ECT2L: variants seen among roughly 807,000 people sequenced by gnomAD.
The protein encoded by ECT2L is epithelial cell transforming 2 like.
In ECT2L, 126 loss-of-function variants were observed where a neutral mutation model predicts 122.8. The ratio of observed to expected loss-of-function variants is 1.03; its 90% CI spans 0.89 to 1.19. ECT2L has a LOEUF of 1.19. ECT2L is among the 50% of genes most tolerant of loss of function. The probability of loss-of-function intolerance (pLI) is 0.00; values close to 1 mark genes in which losing one functional copy is unlikely to be tolerated. For missense variants in ECT2L, 1,012 were observed against 1,064.1 expected, an observed-to-expected ratio of 0.95 and a Z score of 0.68; for synonymous variants, 385 against 381.8, an observed-to-expected ratio of 1.01 and a Z score of -0.10.
At chr6:138,895,067 T>C (rs977538544) in intron 20 of ECT2L, among the ~76,000 whole-genome samples, 1 of 152,056 alleles carries the variant, frequency 6.6e-6, no homozygotes, top group African/African-American at 2.4e-5. Context: ...TAGACCAGCC[T>C]AGGCAACATA....
chr6:138,882,402 G>A (rs1417297522), intron 15 of ECT2L, among the ~76,000 whole-genome samples: 1 of 152,190 alleles, frequency 6.6e-6, no homozygotes, highest in African/African-American at 2.4e-5. Context: ...TCTACAAACT[G>A]TAAGAACTTT....
At position 138,852,291 on chromosome 6, in the gene ECT2L, C is replaced by T. The variant is rs189950137; in HGVS notation, c.1070-1735C>T. Among the ~76,000 whole-genome samples the T allele has an allele frequency of 5.3e-5, 8 of 152,138 alleles. No individual in the cohort carries two copies. In the East Asian group the frequency reaches 1.4e-3, roughly 26 times the overall value. On this transcript the variant is annotated intron_variant, in intron 9 of 21. Transcript: ENST00000541398. ...AAAAACAAAAACAAACCAAAAACCC[C>T]CCAGCCCTCTGCCCCTCAAAACAAA...
At chr6:138,862,407 G>A (rs1777867040) in intron 10 of ECT2L, among the ~76,000 whole-genome samples, 1 of 152,030 alleles carries the variant, frequency 6.6e-6, no homozygotes, top group Admixed American at 6.6e-5. Context: ...TAAACAACCA[G>A]ATCTTGTGTG....
intron 9 of ECT2L, 35 bp from the exon 10 acceptor site, chr6:138,853,991 C>A (rs1421682948): frequency 6.2e-7 from 1 of 1,602,498 alleles, no homozygotes. Context: ...TATTATGTTA[C>A]AAGCTAATAT....
chr6:138,860,389 T>C lies in ECT2L; in HGVS notation c.1199-2238T>C, dbSNP rs78118604. Among the ~76,000 whole-genome samples the C allele has an allele frequency of 1.1e-4, 17 of 152,234 alleles. No homozygotes were observed. The South Asian group carries it at 2.7e-3, about 24-fold the overall frequency. ...CTAGTTGTTTCTTCACCATTCCTTA[T>C]AACTACTATCCTTTTTCCAGTGAAT... is the stretch of plus-strand genomic sequence containing the variant. On this transcript the variant is annotated intron_variant, in intron 10 of 21. Transcript: ENST00000541398.
In ECT2L at chr6:138,814,488, T is replaced by C; in HGVS notation, c.67-3T>C. On this transcript the variant is annotated splice_polypyrimidine_tract_variant and splice_region_variant and intron_variant, in intron 3 of 21. Transcript: ENST00000541398. ...ATGTCACTTCCTCCCCTCCCCCTTATAGCTCTTTCAGGAAAGAGTGGCTCT... is the reference window on the plus strand; with the variant it reads ...ATGTCACTTCCTCCCCTCCCCCTTACAGCTCTTTCAGGAAAGAGTGGCTCT... 6.3e-7 allele frequency: 1 copy of C among 1,585,620 alleles called. No individual in the cohort carries two copies.
chr6:138,875,026 G>T (rs777503673), intron 13 of ECT2L, among the ~76,000 whole-genome samples: 1 of 152,166 alleles, frequency 6.6e-6, no homozygotes. Context: ...GGTCGAGGCT[G>T]CAGTGAGCAA....
chr6:138,859,588 T>C (rs756200109), intron 10 of ECT2L, among the ~76,000 whole-genome samples: 41 of 152,140 alleles, frequency 2.7e-4, no homozygotes, highest in Non-Finnish European at 4.7e-4. Context: ...GGGTATGTGG[T>C]GGTATCTCAT....
chr6:138,834,397 G>A (rs1003717563), intron 4 of ECT2L, among the ~76,000 whole-genome samples: 12 of 151,824 alleles, frequency 7.9e-5, no homozygotes, highest in African/African-American at 2.9e-4. Context: ...ATACTCAAAC[G>A]TGTCCTTGTA....
intron 15 of ECT2L, 135 bp from the exon 16 acceptor site, chr6:138,882,589 T>A (rs1778678808): frequency 6.7e-6 from 7 of 1,046,380 alleles, no homozygotes; most frequent in South Asian, 5.1e-5. Context: ...TTCTCTGTGT[T>A]AGGAAGAAAT....
intron 20 of ECT2L, among the ~76,000 whole-genome samples, chr6:138,897,750 C>T (rs1008156262): frequency 1.3e-5 from 2 of 152,144 alleles, no homozygotes; most frequent in African/African-American, 4.8e-5. Flanking sequence ...CCTTGGATTA[C>T]GAAAGGCTCA....
chr6:138,822,673 C>A, intron 4 of ECT2L: 2 of 1,349,214 alleles, frequency 1.5e-6, no homozygotes, highest in Non-Finnish European at 2.0e-6. Flanking sequence ...ATAGGAACAG[C>A]TCCGGTCTAC....
chr6:138,901,106 T>C lies in ECT2L; in HGVS notation c.2573T>C (p.Ile858Thr). ...VALHRLLIEN[I>T]PDSKYVKNAF... Reference sequence around the variant, plus strand: ...CTTCATCGGTTACTCATAGAAAATATTCCAGATTCCAAGTGTATGTATTCT... The same window carrying C: ...CTTCATCGGTTACTCATAGAAAATACTCCAGATTCCAAGTGTATGTATTCT... The change falls in exon 21 of 22, where the codon ATT becomes ACT. Residue 858 changes from isoleucine to threonine, a missense_variant. Coordinates refer to ENST00000541398, the MANE Select transcript of ECT2L (RefSeq NM_001077706.3). 1.9e-6 allele frequency: 3 copies of C among 1,614,030 alleles called. No individual in the cohort carries two copies. Among genetic ancestry groups the C allele is most frequent in the Non-Finnish European group, 2.5e-6 (3 of 1,179,944 alleles).
intron 3 of ECT2L, among the ~76,000 whole-genome samples, chr6:138,814,168 C>T (rs1275272599): frequency 6.6e-6 from 1 of 152,098 alleles, no homozygotes; most frequent in Admixed American, 6.6e-5. Flanking sequence ...TTCCCTAGGC[C>T]ACATTAGCCT....
At chr6:138,816,721 A>T (rs1415627147) in intron 4 of ECT2L, among the ~76,000 whole-genome samples, 1 of 152,128 alleles carries the variant, frequency 6.6e-6, no homozygotes, top group Non-Finnish European at 1.5e-5. Context: ...TCCTGATCTC[A>T]TGATCTGCCT....
At chr6:138,849,982 A>G (rs1372300914) in intron 9 of ECT2L, among the ~76,000 whole-genome samples, 1 of 152,038 alleles carries the variant, frequency 6.6e-6, no homozygotes, top group Non-Finnish European at 1.5e-5. Flanking sequence ...CTCTCCAAAA[A>G]TTTTCCATCT....
At position 138,865,244 on chromosome 6, in the gene ECT2L, C is replaced by A; in HGVS notation, c.1474+66C>A. 3.4e-6 allele frequency: 5 copies of A among 1,461,732 alleles called. No individual in the cohort carries two copies. The South Asian group carries it at 4.3e-5, about 13-fold the overall frequency. 90.5% of individuals were successfully genotyped at this position (1,461,732 alleles called of 1,614,324 possible). A position where few individuals can be genotyped will look rare whatever the true frequency, so the allele number is the denominator to read the frequency against. On this transcript the variant is annotated intron_variant, in intron 12 of 21. Transcript: ENST00000541398. ...GTTGCTTTCATATCCCGAGTAAATA[C>A]AAGTTTAGTTATGGCGCAAGTAAAA...
Position 138,854,089 on chromosome 6 carries a change from G to A in ECT2L, c.1133G>A (p.Gly378Glu). 1 of 1,614,136 alleles carries A rather than the reference G, an allele frequency of 6.2e-7. No individual in the cohort carries two copies. Among genetic ancestry groups the A allele is most frequent in the Non-Finnish European group, 8.5e-7 (1 of 1,180,018 alleles). Residue 378 changes from glycine (G) to glutamate (E), a missense_variant, in exon 10 of 22, where the codon GGA becomes GAA. Transcript: ENST00000541398. ...PEVRDFWEKL[G>E]SYVATEEEGG... ...GTGAGAGATTTCTGGGAGAAATTAGGAAGCTATGTGGCCACTGAAGAAGAA... is the reference window on the plus strand; with the variant it reads ...GTGAGAGATTTCTGGGAGAAATTAGAAAGCTATGTGGCCACTGAAGAAGAA...
chr6:138,880,994 C>A lies in ECT2L; in HGVS notation c.1703C>A (p.Ala568Asp), dbSNP rs1213937548. The A allele has an allele frequency of 6.2e-7, 1 of 1,614,076 alleles. No homozygotes were observed. Among genetic ancestry groups the A allele is most frequent in the South Asian group, 1.1e-5 (1 of 91,074 alleles). ...ILQKDSAEKR[A>D]RVVRELLQSE... The stretch of plus-strand genomic sequence containing the variant: ...CAGAAGGACTCAGCAGAAAAGCGAG[C>A]TAGAGTTGTCAGAGAACTCTTACAG... Residue 568 changes from alanine to aspartate, a missense_variant, in exon 15 of 22, where the codon GCT (alanine) becomes GAT (aspartate). By Grantham distance (126) the Ala-to-Asp change is moderately radical. Coordinates refer to ENST00000541398, the MANE Select transcript of ECT2L (RefSeq NM_001077706.3).
Sources: gnomAD v4.1 joint callset for allele counts (sites outside exome capture counted in the v4.1 genomes callset) on GRCh38, gnomAD v4.1.1 for gene constraint, MANE v1.5 for transcripts, NCBI Gene and HGNC (gene_info 2026-07-23, HGNC 2026-07-21) for gene names.